The following TACC2 variants were observed in gnomAD, a reference collection of about 807,000 sequenced individuals.
TACC2 encodes the protein transforming acidic coiled-coil containing protein 2, also known as transforming acidic coiled-coil-containing protein 2.
In TACC2, 137 loss-of-function variants were observed where a neutral mutation model predicts 227.3. The ratio of observed to expected loss-of-function variants is 0.60; its 90% confidence interval spans 0.52 to 0.69. TACC2 has a LOEUF of 0.69. Ranked by LOEUF, TACC2 falls within the 30% of genes least tolerant of loss-of-function variation. The probability of loss-of-function intolerance (pLI) is 0.00; values close to 1 mark genes in which losing one functional copy is unlikely to be tolerated. For synonymous variants in TACC2, 1,523 were observed against 1,487.5 expected, an observed-to-expected ratio of 1.02 and a Z score of -0.55; for missense variants, 3,470 against 3,694.4, an observed-to-expected ratio of 0.94 and a Z score of 1.57.
chr10:122,226,890 A>G (rs143422902), intron 13 of TACC2, among the ~76,000 whole-genome samples: 161 of 152,256 alleles, frequency 1.1e-3, no homozygotes, highest in Non-Finnish European at 1.9e-3. Context: ...ACTTTATTCC[A>G]TCATTTGTCT....
intron 7 of TACC2, among the ~76,000 whole-genome samples, chr10:122,191,866 CT>C (rs1304668263): frequency 1.3e-5 from 2 of 152,010 alleles, no homozygotes; most frequent in African/African-American, 4.8e-5. Context: ...ATTTCTTGTA[CT>C]TTGGGTTTTT....
intron 2 of TACC2, among the ~76,000 whole-genome samples, chr10:122,039,635 G>A (rs1365893147): frequency 6.6e-6 from 1 of 152,160 alleles, no homozygotes; most frequent in African/African-American, 2.4e-5. Context: ...GAGCCTCTAG[G>A]CAGTGAGCCG....
At chr10:122,190,400 G>A (rs902877824) in intron 7 of TACC2, among the ~76,000 whole-genome samples, 2 of 152,148 alleles carry the variant, frequency 1.3e-5, no homozygotes, top group Non-Finnish European at 2.9e-5. Flanking sequence ...TGTGCTCTGT[G>A]GGACTCTAGA....
chr10:121,993,499 A>G (rs1321225163), intron 1 of TACC2, among the ~76,000 whole-genome samples: 2 of 152,202 alleles, frequency 1.3e-5, no homozygotes, highest in Non-Finnish European at 2.9e-5. Flanking sequence ...AGTTTCCAGA[A>G]AGAATTATTT....
At chr10:122,036,754 G>A (rs562590325) in intron 2 of TACC2, among the ~76,000 whole-genome samples, 5 of 152,270 alleles carry the variant, frequency 3.3e-5, no homozygotes, top group Non-Finnish European at 5.9e-5. Flanking sequence ...GGGTGTCCAC[G>A]TAAGTATCTG....
intron 4 of TACC2, 79 bp from the exon 5 acceptor site, chr10:122,088,399 C>T: frequency 1.3e-5 from 17 of 1,288,472 alleles, no homozygotes; most frequent in South Asian, 6.8e-5. Context: ...ATTGAGAAAT[C>T]TGCTTTTTCA....
At chr10:122,176,209 A>G (rs1044247723) in intron 7 of TACC2, among the ~76,000 whole-genome samples, 3 of 151,266 alleles carry the variant, frequency 2.0e-5, no homozygotes, top group African/African-American at 7.3e-5. Context: ...TGGTGGCTGC[A>G]GATGAAGATT....
intron 7 of TACC2, among the ~76,000 whole-genome samples, chr10:122,161,514 G>A (rs1417109891): frequency 6.6e-6 from 1 of 152,232 alleles, no homozygotes; most frequent in Non-Finnish European, 1.5e-5. Context: ...GCCAGCTGAG[G>A]AAATAAGGTT....
intron 8 of TACC2, among the ~76,000 whole-genome samples, chr10:122,200,693 CCA>C (rs1257191935): frequency 6.9e-6 from 1 of 145,490 alleles, no homozygotes; most frequent in Non-Finnish European, 1.5e-5. Context: ...CCCACAGTGG[CCA>C]TGTTCACATG....
chr10:122,160,951 C>CT lies in TACC2; in HGVS notation c.5834+17253dup, dbSNP rs1191199350. ...CATTCTATTTGTTTCTCTCCTGGTT[C>CT]TTTTTTTTGGAGACAGGGTCTCGCT... On this transcript the variant is annotated intron_variant, in intron 7 of 22. Coordinates refer to ENST00000369005, the MANE Select transcript of TACC2 (RefSeq NM_206862.4). Among the ~76,000 whole-genome samples the CT allele has an allele frequency of 2.0e-5, 3 of 152,004 alleles. No individual in the cohort carries two copies. The East Asian group carries it at 5.8e-4, about 29-fold the overall frequency.
chr10:122,132,274 G>A (rs1417213153), intron 5 of TACC2, among the ~76,000 whole-genome samples: 2 of 152,132 alleles, frequency 1.3e-5, no homozygotes, highest in African/African-American at 4.8e-5. Flanking sequence ...GGCCAGGCAC[G>A]GCGGCTCACG....
intron 7 of TACC2, among the ~76,000 whole-genome samples, chr10:122,161,654 T>A (rs2092818688): frequency 6.6e-6 from 1 of 152,246 alleles, no homozygotes; most frequent in Non-Finnish European, 1.5e-5. Flanking sequence ...CTAAGGACGT[T>A]TAGATGGCTT....
At chr10:122,142,969 C>T (rs1380250800) in intron 6 of TACC2, among the ~76,000 whole-genome samples, 1 of 152,156 alleles carries the variant, frequency 6.6e-6, no homozygotes, top group South Asian at 2.1e-4. Flanking sequence ...CCGGAGGCCC[C>T]GCACGCTGTG....
chr10:122,138,187 A>G (rs2090004046), intron 6 of TACC2, among the ~76,000 whole-genome samples: 1 of 151,644 alleles, frequency 6.6e-6, no homozygotes, highest in African/African-American at 2.4e-5. Flanking sequence ...GGTTAGTTGA[A>G]CCTTTATTTA....
chr10:122,189,573 A>C (rs1483089076), intron 7 of TACC2, among the ~76,000 whole-genome samples: 1 of 152,208 alleles, frequency 6.6e-6, no homozygotes, highest in Non-Finnish European at 1.5e-5. Flanking sequence ...TTTCACTCTG[A>C]GGAGTGGTCC....
At chr10:122,095,754 C>T (rs779412242) in intron 5 of TACC2, among the ~76,000 whole-genome samples, 17 of 152,342 alleles carry the variant, frequency 1.1e-4, no homozygotes, top group East Asian at 1.9e-4. Flanking sequence ...TGTCCACCGA[C>T]GGTTCTTCAG....
chr10:122,143,837 C>T, intron 7 of TACC2, 131 bp downstream of exon 7: 1 of 1,023,542 alleles, frequency 9.8e-7, no homozygotes, highest in Non-Finnish European at 1.4e-6. Context: ...CCCCGTGAGA[C>T]CATGTCTCTG....
At chr10:122,160,900 A>C (rs1445591453) in intron 7 of TACC2, among the ~76,000 whole-genome samples, 1 of 152,158 alleles carries the variant, frequency 6.6e-6, no homozygotes, top group Non-Finnish European at 1.5e-5. Flanking sequence ...CATGGGTTTT[A>C]GTTGTATCGA....
At chr10:122,197,939 G>C (rs2094631054) in intron 8 of TACC2, among the ~76,000 whole-genome samples, 1 of 152,242 alleles carries the variant, frequency 6.6e-6, no homozygotes, top group South Asian at 2.1e-4. Context: ...GGCTGTAGGA[G>C]AAGAAAGATT....
Sources: allele counts gnomAD v4.1 joint callset (sites outside exome capture counted in the v4.1 genomes callset), GRCh38; gene constraint gnomAD v4.1.1; transcripts MANE v1.5; gene names NCBI Gene and HGNC (gene_info 2026-07-23, HGNC 2026-07-21).